Variants in ZFYVE26 observed in about 807,000 individuals in gnomAD.
ZFYVE26 encodes the protein zinc finger FYVE domain-containing protein 26.
Under a neutral mutation model 276.5 loss-of-function variants are expected in ZFYVE26, and 181 were observed. The ratio of observed to expected loss-of-function variants is 0.65; its 90% CI spans 0.58 to 0.74. The LOEUF is 0.74. Ranked by LOEUF, ZFYVE26 falls within the 30% of genes least tolerant of loss-of-function variation. The probability of loss-of-function intolerance (pLI) is 0.00; values close to 1 mark genes in which losing one functional copy is unlikely to be tolerated. For missense variants in ZFYVE26, 2,821 were observed against 3,097.9 expected (o/e 0.91, Z 2.12); for synonymous variants, 1,129 against 1,203.1 (o/e 0.94, Z 1.27).
At position 67,784,338 on chromosome 14, in the gene ZFYVE26, C is replaced by T. The variant is rs2039592450; in HGVS notation, c.3622G>A (p.Glu1208Lys). Reference sequence around the variant, plus strand: ...TTGCATGGAGGTGGCTCCTACCTCTCTGGGGGAACTTGTCTCTCAAACAGG... The same window carrying T: ...TTGCATGGAGGTGGCTCCTACCTCTTTGGGGGAACTTGTCTCTCAAACAGG... ...HLLFERQVPPERLAALLAQEN... is the reference protein window; with the variant it reads ...HLLFERQVPPKRLAALLAQEN... The change falls in exon 20 of 42, where the codon GAG becomes AAG. Residue 1208 changes from glutamate to lysine, a missense_variant. Coordinates refer to ENST00000347230, the MANE Select transcript of ZFYVE26 (RefSeq NM_015346.4). The T allele has an allele frequency of 6.2e-7, 1 of 1,614,002 alleles. No individual in the cohort carries two copies.
intron 28 of ZFYVE26, chr14:67,770,118 T>C (rs2039169439): frequency 3.3e-6 from 1 of 302,136 alleles, no homozygotes; most frequent in Non-Finnish European, 6.4e-6. Flanking sequence ...TTTATTTGTT[T>C]TCCCCAAGGT....
chr14:67,799,904 C>T (rs1238404881), intron 10 of ZFYVE26, among the ~76,000 whole-genome samples: 1 of 152,158 alleles, frequency 6.6e-6, no homozygotes, highest in Non-Finnish European at 1.5e-5. Flanking sequence ...CTTCTGTACA[C>T]AGAACTCTAT....
At chr14:67,749,088 T>C (rs2038566006) in intron 41 of ZFYVE26, among the ~76,000 whole-genome samples, 1 of 152,202 alleles carries the variant, frequency 6.6e-6, no homozygotes, top group Non-Finnish European at 1.5e-5. Flanking sequence ...GTGTCTGTTT[T>C]TTCTACTCCT....
rs767447256 is a variant in ZFYVE26 at position 67,815,862 on chromosome 14, T to C, written c.102A>G (p.Ala34=). The change falls in exon 2 of 42, where the codon GCA becomes GCG. Residue 34 remains alanine, a synonymous_variant. Coordinates refer to ENST00000347230, the MANE Select transcript of ZFYVE26 (RefSeq NM_015346.4). ...GTCCCTCCTGTAGCTGAGGTACACA[T>C]GCCTGTGCCAGCTCCCATTCTCCCC... is the stretch of plus-strand genomic sequence containing the variant. The part of the protein sequence containing the change: ...LRRGEWELAQ[A]CVPQLQEGQG... 12 of 1,614,168 alleles carry C rather than the reference T, an allele frequency of 7.4e-6. No homozygotes were observed. In the South Asian group the frequency reaches 9.9e-5, roughly 13 times the overall value.
At chr14:67,810,844 AG>A (rs1363734225) in intron 3 of ZFYVE26, among the ~76,000 whole-genome samples, 2 of 152,174 alleles carry the variant, frequency 1.3e-5, no homozygotes, top group Non-Finnish European at 2.9e-5. Context: ...TTGGAAGGCA[AG>A]GAACACCTGC....
At chr14:67,732,226 C>G (rs369693972) in intron 13 of ZFYVE26, among the ~76,000 whole-genome samples, 1 of 151,364 alleles carries the variant, frequency 6.6e-6, no homozygotes, top group Non-Finnish European at 1.5e-5. Flanking sequence ...TGCTTGAGCT[C>G]GGGAATTCCA....
rs771396332 is a variant in ZFYVE26 at position 67,762,325 on chromosome 14, G to A, written c.6247C>T (p.Arg2083Trp). 8.3e-5 allele frequency: 134 copies of A among 1,614,066 alleles called. No homozygotes were observed. The highest frequency in any genetic ancestry group is 1.1e-4 in the Non-Finnish European group (129 of 1,180,052). The change falls in exon 34 of 42, where the codon CGG (arginine) becomes TGG (tryptophan). Residue 2083 changes from arginine (R) to tryptophan (W), a missense_variant. By Grantham distance (101) the Arg-to-Trp change is moderately radical (BLOSUM62 -3). Transcript: ENST00000347230. ...CLKAGNLTAA[R>W]EKFSRCLKPP... Reference sequence around the variant, plus strand: ...TTCAGACAGCGACTGAACTTCTCCCGTGCAGCAGTGAGGTTCCCGGCTTTG... The same window carrying A: ...TTCAGACAGCGACTGAACTTCTCCCATGCAGCAGTGAGGTTCCCGGCTTTG...
chr14:67,810,963 A>G (rs1446526094), intron 3 of ZFYVE26, among the ~76,000 whole-genome samples: 1 of 152,170 alleles, frequency 6.6e-6, no homozygotes, highest in Non-Finnish European at 1.5e-5. Flanking sequence ...CCATTCATGT[A>G]CCATTCACCA....
At chr14:67,736,668 G>C (rs2038356035) in intron 13 of ZFYVE26, among the ~76,000 whole-genome samples, 1 of 152,196 alleles carries the variant, frequency 6.6e-6, no homozygotes, top group African/African-American at 2.4e-5. Flanking sequence ...AAAGTTCAAA[G>C]TCAAGTGATA....
At chr14:67,779,921 G>C (rs889268412) in intron 23 of ZFYVE26, among the ~76,000 whole-genome samples, 2 of 152,110 alleles carry the variant, frequency 1.3e-5, no homozygotes, top group Non-Finnish European at 2.9e-5. Flanking sequence ...GTCCAGGCTA[G>C]AGTGCAGTGG....
rs552509535 is a variant in ZFYVE26 at position 67,795,336 on chromosome 14, T to C, written c.2333-1097A>G. On this transcript the variant is annotated intron_variant, in intron 12 of 41. Transcript: ENST00000347230. ...ACGGCATCCTCCGCCCCACCCAGTA[T>C]GCTCACCTTTCATGTTGCCACTTAG... Among the ~76,000 whole-genome samples, 9 of 152,364 alleles carry C rather than the reference T, an allele frequency of 5.9e-5. No individual in the cohort carries two copies. In the East Asian group the frequency reaches 1.5e-3, roughly 26 times the overall value.
In ZFYVE26 at chr14:67,755,191, A is replaced by G. The variant is rs752726358; in HGVS notation, c.6846T>C (p.Tyr2282=). 91 of 1,614,076 alleles carry G rather than the reference A, an allele frequency of 5.6e-5. No individual in the cohort carries two copies. Among genetic ancestry groups the G allele is most frequent in the Non-Finnish European group, 7.0e-5 (83 of 1,180,056 alleles). Residue 2282 remains tyrosine (Y), a synonymous_variant, in exon 37 of 42, where the codon TAT becomes TAC. Coordinates refer to ENST00000347230, the MANE Select transcript of ZFYVE26 (RefSeq NM_015346.4). ...ATGAGAGCTTCTCTCCCAGTTCTGT[A>G]TATGACTTTGCTTTGTGACTGAAGA... ...IRFFSHKAKS[Y]TELGEKLSWL... is the part of the protein sequence containing the mutation.
intron 15 of ZFYVE26, among the ~76,000 whole-genome samples, chr14:67,789,993 T>C (rs1045768983): frequency 1.3e-5 from 2 of 152,238 alleles, no homozygotes; most frequent in Non-Finnish European, 2.9e-5. Context: ...TGAATAGGCA[T>C]AGAAAATTTC....
chr14:67,793,162 CA>C (rs1305783780), intron 14 of ZFYVE26, among the ~76,000 whole-genome samples: 1 of 152,036 alleles, frequency 6.6e-6, no homozygotes, highest in Non-Finnish European at 1.5e-5. Flanking sequence ...GAGGCTTAGG[CA>C]GGAGAATCGT....
At position 67,756,055 on chromosome 14, in the gene ZFYVE26, T is replaced by C. The variant is rs1018266195; in HGVS notation, c.6679A>G (p.Ile2227Val). 3.7e-6 allele frequency: 6 copies of C among 1,614,128 alleles called. No homozygotes were observed. The highest frequency in any genetic ancestry group is 3.3e-4 in the Middle Eastern group (2 of 6,084). Residue 2227 changes from isoleucine (I) to valine (V), a missense_variant, in exon 36 of 42, where the codon ATT becomes GTT. Transcript: ENST00000347230. ...LHTLENLLES[I>V]DPTLESWGKY... ...CCCCAGCTCTCCAAGGTTGGATCAA[T>C]GGATTCTAGCAAGTTCTCCAAAGTG... is the stretch of plus-strand genomic sequence containing the variant.
At chr14:67,758,827 G>A (rs1231450944) in intron 35 of ZFYVE26, among the ~76,000 whole-genome samples, 1 of 152,040 alleles carries the variant, frequency 6.6e-6, no homozygotes, top group Admixed American at 6.5e-5. Context: ...AGTAAAGACA[G>A]GGTTTCACCA....
rs1460251691 is a variant in ZFYVE26, at chr14:67,815,781, T to C, written c.183A>G (p.Pro61=). ...AAGAGATCCCTTACCTCAGCAGATT[T>C]GGACACACCACCAATGCCTGAAGTA... ...EDILQALVVC[P]NLLRCGQDIN... is the part of the protein sequence containing the mutation. Residue 61 remains proline (P), a synonymous_variant, in exon 2 of 42, where the codon CCA becomes CCG. Coordinates refer to ENST00000347230, the MANE Select transcript of ZFYVE26 (RefSeq NM_015346.4). The C allele has an allele frequency of 6.2e-7, 1 of 1,613,236 alleles. No homozygotes were observed. Among genetic ancestry groups the C allele is most frequent in the Non-Finnish European group, 8.5e-7 (1 of 1,180,046 alleles).
intron 37 of ZFYVE26, among the ~76,000 whole-genome samples, chr14:67,754,500 G>A (rs2038727979): frequency 6.6e-6 from 1 of 152,158 alleles, no homozygotes. Flanking sequence ...CAATAACAGA[G>A]GTCAAGAGAG....
Position 67,790,757 on chromosome 14 carries a change from T to A in ZFYVE26, c.2570A>T (p.Asn857Ile). The A allele has an allele frequency of 6.2e-7, 1 of 1,614,104 alleles. No homozygotes were observed. Among genetic ancestry groups the A allele is most frequent in the South Asian group, 1.1e-5 (1 of 91,058 alleles). ...CCCTGAACTGGGTGAGGACTTCAGG[T>A]TGAACGTGAACAGCACCTGTCATAG... ...AEAHQVLFTF[N>I]LKSSPSSGEL... The change falls in exon 15 of 42, where the codon AAC (asparagine) becomes ATC (isoleucine). Residue 857 changes from asparagine to isoleucine, a missense_variant. By Grantham distance (149) the Asn-to-Ile change is moderately radical. Coordinates refer to ENST00000347230, the MANE Select transcript of ZFYVE26 (RefSeq NM_015346.4).
Sources: gnomAD v4.1 joint callset for allele counts (sites outside exome capture counted in the v4.1 genomes callset) on GRCh38, gnomAD v4.1.1 for gene constraint, MANE v1.5 for transcripts, NCBI Gene and HGNC (gene_info 2026-07-23, HGNC 2026-07-21) for gene names.